Variants in LRRC7 observed in about 807,000 individuals in gnomAD.
LRRC7 encodes the protein leucine-rich repeat-containing protein 7.
A neutral mutation model predicts 175.7 loss-of-function variants in LRRC7; 23 were observed. The observed-to-expected ratio is 0.13, with a 90% CI of 0.09 to 0.19. LRRC7 has a LOEUF of 0.19. Ranked by LOEUF, LRRC7 falls within the 10% of genes least tolerant of loss-of-function variation. The pLI, the probability that LRRC7 is intolerant of heterozygous loss-of-function variation, is 1.00. For synonymous variants in LRRC7, 685 were observed against 680.9 expected (o/e 1.01, Z -0.09); for missense variants, 1,354 against 1,904.7 (o/e 0.71, Z 5.38).
At chr1:69,614,465 C>T (rs1649304480) in intron 1 of LRRC7, among the ~76,000 whole-genome samples, 1 of 152,010 alleles carries the variant, frequency 6.6e-6, no homozygotes, top group Non-Finnish European at 1.5e-5. Flanking sequence ...AAACTGAATG[C>T]AAATCAGCTG....
At chr1:69,886,234 G>A (rs9726334) in intron 7 of LRRC7, among the ~76,000 whole-genome samples, 84,919 of 150,826 alleles carry the variant, frequency 0.56, 24,029 homozygotes, top group East Asian at 0.7. Context: ...GTCTCCCATT[G>A]TTAATGTGTG....
intron 8 of LRRC7, among the ~76,000 whole-genome samples, chr1:69,941,708 T>C (rs1052703741): frequency 6.6e-6 from 1 of 152,050 alleles, no homozygotes. Flanking sequence ...AAAATATAAT[T>C]TTGAAAGCTG....
Position 70,124,755 on chromosome 1 carries a change from T to TAAA in LRRC7, c.*2878_*2880dup. Among the ~76,000 whole-genome samples the TAAA allele has an allele frequency of 6.9e-6, 1 of 145,428 alleles. No individual in the cohort carries two copies. The highest frequency in any genetic ancestry group is 6.8e-5 in the Admixed American group (1 of 14,658). ...AAAAAAAAGTCAAGGGTGTGCCTTT[T>TAAA]AAAAAAAAAAAAGAAAAATCAATAA... is the stretch of plus-strand genomic sequence containing the variant. On this transcript the variant is annotated 3_prime_UTR_variant, in exon 27 of 27. Coordinates refer to ENST00000651989, the MANE Select transcript of LRRC7 (RefSeq NM_001370785.2).
rs767788922 is a variant in LRRC7, at chr1:69,986,378, A to T, written c.923A>T (p.Asp308Val). ...TCCAATATGTTGCAACAATTGCCTG[A>T]TTCTATAGGTGAGAATATAATATTT... is the stretch of plus-strand genomic sequence containing the variant. ...LSSNMLQQLP[D>V]SIGLLKKLTT... is the part of the protein sequence containing the mutation. The change falls in exon 10 of 27, where the codon GAT (aspartate) becomes GTT (valine). Residue 308 changes from aspartate to valine, a missense_variant. By Grantham distance (152) the Asp-to-Val change is radical. Transcript: ENST00000651989. 1.2e-6 allele frequency: 2 copies of T among 1,612,056 alleles called. No homozygotes were observed. The highest frequency in any genetic ancestry group is 1.7e-6 in the Non-Finnish European group (2 of 1,179,168).
At chr1:69,977,952 T>A (rs1383741246) in intron 8 of LRRC7, among the ~76,000 whole-genome samples, 3 of 152,204 alleles carry the variant, frequency 2.0e-5, no homozygotes, top group Non-Finnish European at 4.4e-5. Context: ...TGTCTTATTG[T>A]ATTCATATGA....
chr1:69,711,663 ATCTGG>A (rs920202735), intron 2 of LRRC7, among the ~76,000 whole-genome samples: 2 of 152,212 alleles, frequency 1.3e-5, no homozygotes, highest in African/African-American at 4.8e-5. Context: ...TGGCATTCAA[ATCTGG>A]CCTATTTACC....
intron 2 of LRRC7, 55 bp downstream of exon 2, chr1:69,678,533 T>C (rs1660083762): frequency 2.4e-6 from 3 of 1,249,612 alleles, no homozygotes; most frequent in Non-Finnish European, 3.4e-6. Context: ...GTGAGTAGCA[T>C]AGTAAAATGA....
At chr1:70,075,529 C>T (rs930296673) in intron 23 of LRRC7, among the ~76,000 whole-genome samples, 1 of 152,098 alleles carries the variant, frequency 6.6e-6, no homozygotes, top group Non-Finnish European at 1.5e-5. Flanking sequence ...TAGCTAGTGC[C>T]CCCACAGGAA....
At chr1:69,888,627 A>C (rs1203715756) in intron 7 of LRRC7, among the ~76,000 whole-genome samples, 5 of 152,172 alleles carry the variant, frequency 3.3e-5, no homozygotes, top group Non-Finnish European at 7.3e-5. Flanking sequence ...CTATTCGGCC[A>C]TCTTGGCTCC....
At position 70,135,484 on chromosome 1, in the gene LRRC7, G is replaced by A. The variant is rs1666830552; in HGVS notation, c.*13597G>A. ...GGGGTGCAGGACCCCCAGCAGCTGT[G>A]GGAAGAGAAGAGAGCAGGAGAAGCT... On this transcript the variant is annotated 3_prime_UTR_variant, in exon 27 of 27. Transcript: ENST00000651989. Among the ~76,000 whole-genome samples the A allele has an allele frequency of 6.6e-6, 1 of 152,186 alleles. No homozygotes were observed. Among genetic ancestry groups the A allele is most frequent in the South Asian group, 2.1e-4 (1 of 4,832 alleles).
intron 1 of LRRC7, among the ~76,000 whole-genome samples, chr1:69,601,102 C>G (rs1647051562): frequency 6.6e-6 from 1 of 152,096 alleles, no homozygotes; most frequent in Non-Finnish European, 1.5e-5. Flanking sequence ...AGGCATGAGC[C>G]ACCGTGCCTC....
intron 11 of LRRC7, among the ~76,000 whole-genome samples, chr1:69,995,187 G>C (rs1242443745): frequency 6.6e-6 from 1 of 151,922 alleles, no homozygotes; most frequent in Non-Finnish European, 1.5e-5. Flanking sequence ...CCATTTATTT[G>C]ATAACAATTT....
At chr1:69,675,006 A>G (rs1158099607) in intron 1 of LRRC7, among the ~76,000 whole-genome samples, 1 of 152,190 alleles carries the variant, frequency 6.6e-6, no homozygotes. Flanking sequence ...TCCTCACAAC[A>G]ATCCTGTTGT....
intron 1 of LRRC7, among the ~76,000 whole-genome samples, chr1:69,645,327 C>G (rs1654852067): frequency 6.6e-6 from 1 of 151,976 alleles, no homozygotes; most frequent in Non-Finnish European, 1.5e-5. Context: ...TTAACTGTAG[C>G]ATCAATAACT....
At chr1:69,785,816 G>T (rs891891890) in intron 3 of LRRC7, among the ~76,000 whole-genome samples, 1 of 152,006 alleles carries the variant, frequency 6.6e-6, no homozygotes, top group African/African-American at 2.4e-5. Flanking sequence ...ATCCGAATAT[G>T]AGTGCCTTCC....
intron 13 of LRRC7, 144 bp downstream of exon 13, chr1:70,013,233 G>T: frequency 2.5e-6 from 1 of 395,280 alleles, no homozygotes; most frequent in African/African-American, 2.1e-5. Context: ...AATAGCAGAA[G>T]GTAAATTATT....
At chr1:69,665,144 A>C (rs116101522) in intron 1 of LRRC7, among the ~76,000 whole-genome samples, 1,533 of 152,188 alleles carry the variant, frequency 0.01, 33 homozygotes, top group African/African-American at 0.035. Flanking sequence ...TGGGTTCTCC[A>C]TTCTGTTACA....
intron 4 of LRRC7, among the ~76,000 whole-genome samples, chr1:69,812,920 A>T (rs1245647989): frequency 6.6e-6 from 1 of 152,148 alleles, no homozygotes; most frequent in Non-Finnish European, 1.5e-5. Flanking sequence ...CGAAACTGTA[A>T]CTAGATGCAA....
intron 1 of LRRC7, among the ~76,000 whole-genome samples, chr1:69,574,675 T>C (rs1304556664): frequency 6.6e-6 from 1 of 152,126 alleles, no homozygotes. Context: ...TACTAACTAC[T>C]TAAGTGTTCT....
Sources: allele counts gnomAD v4.1 joint callset (sites outside exome capture counted in the v4.1 genomes callset), GRCh38; gene constraint gnomAD v4.1.1; transcripts MANE v1.5; gene names NCBI Gene and HGNC (gene_info 2026-07-23, HGNC 2026-07-21).